Variants in MARCHF1 observed in about 807,000 individuals in gnomAD.
MARCHF1 encodes E3 ubiquitin-protein ligase MARCHF1.
Under a neutral mutation model 54.2 loss-of-function variants are expected in MARCHF1, and 40 were observed. The ratio of observed to expected loss-of-function variants is 0.74; its 90% CI spans 0.57 to 0.96. The LOEUF (loss-of-function observed/expected upper bound fraction) is 0.96. Ranked by LOEUF, MARCHF1 falls within the 40% of genes least tolerant of loss-of-function variation. MARCHF1 has a pLI of 0.00. For synonymous variants in MARCHF1, 236 were observed against 236.3 expected (o/e 1.00, Z 0.01); for missense variants, 586 against 656.5 (o/e 0.89, Z 1.17).
Position 163,701,078 on chromosome 4 carries a change from A to T in MARCHF1, c.112-215T>A, listed in dbSNP as rs531774240. 1.4e-4 allele frequency among the ~76,000 whole-genome samples: 22 copies of T among 152,330 alleles called. 1 individual carries two copies. The highest frequency in any genetic ancestry group is 3.4e-4 in the African/African-American group (14 of 41,584). On this transcript the variant is annotated intron_variant, in intron 4 of 9. Coordinates refer to ENST00000514618, the MANE Select transcript of MARCHF1 (RefSeq NM_001394959.1). ...ATTAGTGTACTTTAAAAATGCTTCA[A>T]TTAATATCTGAGTATTAATCAGGTT...
At chr4:163,632,652 C>A (rs978547421) in intron 5 of MARCHF1, among the ~76,000 whole-genome samples, 2 of 152,186 alleles carry the variant, frequency 1.3e-5, no homozygotes, top group East Asian at 1.9e-4. Flanking sequence ...AACTGCAAGG[C>A]GGCAGCGAGG....
chr4:164,284,483 A>G (rs1734099601), intron 1 of MARCHF1, among the ~76,000 whole-genome samples: 1 of 151,094 alleles, frequency 6.6e-6, no homozygotes, highest in African/African-American at 2.4e-5. Flanking sequence ...TAGGTAAGTA[A>G]GGATTTGAAT....
chr4:164,049,932 T>C (rs1006487350), intron 2 of MARCHF1, among the ~76,000 whole-genome samples: 2 of 152,176 alleles, frequency 1.3e-5, no homozygotes, highest in African/African-American at 4.8e-5. Context: ...TGTTACTCTG[T>C]AGTTTCACTT....
intron 8 of MARCHF1, among the ~76,000 whole-genome samples, chr4:163,553,229 A>G (rs1739174361): frequency 6.6e-6 from 1 of 152,190 alleles, no homozygotes; most frequent in Non-Finnish European, 1.5e-5. Context: ...GCAGAACACT[A>G]TCAGGCACTT....
intron 4 of MARCHF1, among the ~76,000 whole-genome samples, chr4:163,849,535 T>C (rs139747708): frequency 3.3e-4 from 51 of 152,284 alleles, no homozygotes; most frequent in African/African-American, 1.2e-3. Context: ...GGCTAAACGC[T>C]TTCAATTTCC....
chr4:164,163,078 C>CA (rs754319904), intron 1 of MARCHF1, among the ~76,000 whole-genome samples: 8 of 151,904 alleles, frequency 5.3e-5, no homozygotes, highest in Admixed American at 4.6e-4. Context: ...CAGAAAAAGA[C>CA]AAATATTTTG....
At chr4:163,816,553 A>G (rs1288225718) in intron 4 of MARCHF1, among the ~76,000 whole-genome samples, 1 of 152,070 alleles carries the variant, frequency 6.6e-6, no homozygotes, top group East Asian at 1.9e-4. Flanking sequence ...TTAAATTTTT[A>G]CAAATATTTA....
intron 5 of MARCHF1, among the ~76,000 whole-genome samples, chr4:163,691,437 C>T (rs1213700931): frequency 1.3e-5 from 2 of 152,160 alleles, no homozygotes; most frequent in Admixed American, 6.6e-5. Flanking sequence ...TAGGACATCT[C>T]TTTCCCTCGC....
At chr4:164,127,279 A>G (rs1756204947) in intron 1 of MARCHF1, among the ~76,000 whole-genome samples, 1 of 152,144 alleles carries the variant, frequency 6.6e-6, no homozygotes, top group African/African-American at 2.4e-5. Context: ...GTCTTCTCTT[A>G]AAAGCTTAAA....
At chr4:164,136,721 G>A (rs539723554) in intron 1 of MARCHF1, among the ~76,000 whole-genome samples, 2 of 152,292 alleles carry the variant, frequency 1.3e-5, no homozygotes, top group African/African-American at 4.8e-5. Flanking sequence ...CCCAAGGCTG[G>A]CTTCCCATGA....
Position 163,795,892 on chromosome 4 carries a change from T to C in MARCHF1, c.111+58129A>G, listed in dbSNP as rs563285993. 1.2e-4 allele frequency among the ~76,000 whole-genome samples: 19 copies of C among 152,276 alleles called. 1 individual carries two copies. The highest frequency in any genetic ancestry group is 1.0e-3 in the South Asian group (5 of 4,820). On this transcript the variant is annotated intron_variant, in intron 4 of 9. Coordinates refer to ENST00000514618, the MANE Select transcript of MARCHF1 (RefSeq NM_001394959.1). ...AGTTGATTAAGACATATTTTGCACATTATATGTATTATATATGGTATCTTA... is the reference window on the plus strand; with the variant it reads ...AGTTGATTAAGACATATTTTGCACACTATATGTATTATATATGGTATCTTA...
intron 1 of MARCHF1, among the ~76,000 whole-genome samples, chr4:164,368,168 A>G (rs1188660515): frequency 6.8e-6 from 1 of 147,774 alleles, no homozygotes; most frequent in Non-Finnish European, 1.5e-5. Flanking sequence ...TTTCTTATAT[A>G]TGTTTAAAAA....
chr4:164,012,475 C>T (rs574361892), intron 2 of MARCHF1, among the ~76,000 whole-genome samples: 47 of 152,164 alleles, frequency 3.1e-4, no homozygotes, highest in African/African-American at 1.1e-3. Context: ...TAAGAAGGAC[C>T]CAGCTGAATT....
chr4:163,826,271 C>T (rs752378983), intron 4 of MARCHF1, among the ~76,000 whole-genome samples: 8 of 151,912 alleles, frequency 5.3e-5, no homozygotes, highest in Admixed American at 2.0e-4. Context: ...AATTTACTTG[C>T]CCACTGTAGA....
At chr4:164,214,122 G>C (rs1158876431) in intron 1 of MARCHF1, among the ~76,000 whole-genome samples, 3 of 151,054 alleles carry the variant, frequency 2.0e-5, no homozygotes, top group Admixed American at 6.6e-5. Flanking sequence ...TTCTGTATTC[G>C]TGACACATAC....
At chr4:164,242,808 G>C (rs1266442456) in intron 1 of MARCHF1, among the ~76,000 whole-genome samples, 1 of 151,968 alleles carries the variant, frequency 6.6e-6, no homozygotes, top group Admixed American at 6.6e-5. Context: ...TGAAAACCAA[G>C]GCTCGAGAAC....
intron 3 of MARCHF1, among the ~76,000 whole-genome samples, chr4:163,980,651 G>T (rs1008206911): frequency 1.3e-5 from 2 of 152,144 alleles, no homozygotes; most frequent in Non-Finnish European, 2.9e-5. Context: ...AGCCACAGAT[G>T]AATCCTTCAC....
At chr4:164,199,332 C>T (rs1384046146) in intron 1 of MARCHF1, among the ~76,000 whole-genome samples, 1 of 152,112 alleles carries the variant, frequency 6.6e-6, no homozygotes, top group African/African-American at 2.4e-5. Context: ...AATTCATCTA[C>T]CACACTGACA....
At chr4:163,609,303 G>A (rs944675948) in intron 7 of MARCHF1, among the ~76,000 whole-genome samples, 2 of 152,018 alleles carry the variant, frequency 1.3e-5, no homozygotes, top group Non-Finnish European at 1.5e-5. Flanking sequence ...ACTTGCCTCT[G>A]TCTTCTGCCT....
Sources: gnomAD v4.1 joint callset for allele counts (sites outside exome capture counted in the v4.1 genomes callset) on GRCh38, gnomAD v4.1.1 for gene constraint, MANE v1.5 for transcripts, NCBI Gene and HGNC (gene_info 2026-07-23, HGNC 2026-07-21) for gene names.